Variants in KPNA5 observed in about 807,000 individuals in gnomAD.
The protein encoded by KPNA5 is importin subunit alpha-6.
KPNA5 carries 46 observed loss-of-function variants against 71.3 expected under a neutral mutation model. That is an observed-to-expected ratio of 0.65 (90% CI 0.51 to 0.83). The LOEUF (loss-of-function observed/expected upper bound fraction) is 0.83. Ranked by LOEUF, KPNA5 falls within the 40% of genes least tolerant of loss-of-function variation. The pLI is 0.00. For missense variants in KPNA5, 547 were observed against 628.3 expected (o/e 0.87, Z 1.38); for synonymous variants, 207 against 201.4 (o/e 1.03, Z -0.24).
intron 7 of KPNA5, among the ~76,000 whole-genome samples, chr6:116,711,374 GA>G (rs2114449206): frequency 6.6e-6 from 1 of 150,896 alleles, no homozygotes; most frequent in East Asian, 1.9e-4. Context: ...TGCTAGCTAT[GA>G]GTTTTGTTTA....
intron 1 of KPNA5, among the ~76,000 whole-genome samples, chr6:116,687,340 T>C (rs1777629694): frequency 6.6e-6 from 1 of 152,148 alleles, no homozygotes; most frequent in Non-Finnish European, 1.5e-5. Context: ...TTTCTGAAAT[T>C]CAGGAAAAGG....
At chr6:116,709,540 A>C (rs1370246049) in intron 7 of KPNA5, among the ~76,000 whole-genome samples, 1 of 152,170 alleles carries the variant, frequency 6.6e-6, no homozygotes, top group Non-Finnish European at 1.5e-5. Context: ...TTTTTTAAAA[A>C]AAGATAGTTT....
chr6:116,740,816 G>C lies in KPNA5; in HGVS notation c.*8493G>C, dbSNP rs1779846275. On this transcript the variant is annotated 3_prime_UTR_variant, in exon 14 of 14. Transcript: ENST00000368564. ...CAATGAGAACACATGGACACAGGAA[G>C]GGGAACATCACACTCTGGGGACTGT... 1.3e-5 allele frequency: 2 copies of C among 149,758 alleles called. No individual in the cohort carries two copies. The highest frequency in any genetic ancestry group is 4.3e-4 in the South Asian group (2 of 4,672). The allele number at this position is 149,758 out of a possible 1,614,324, so 9.3% of individuals were successfully genotyped here. A position where few individuals can be genotyped will look rare whatever the true frequency, so the allele number is the denominator to read the frequency against.
At chr6:116,731,587 G>A (rs1244873819) in intron 13 of KPNA5, among the ~76,000 whole-genome samples, 2 of 152,046 alleles carry the variant, frequency 1.3e-5, no homozygotes, top group African/African-American at 4.8e-5. Flanking sequence ...TCAAAATGAG[G>A]CCTTTCAGTT....
At chr6:116,726,897 G>C (rs1204516311) in intron 12 of KPNA5, among the ~76,000 whole-genome samples, 1 of 151,954 alleles carries the variant, frequency 6.6e-6, no homozygotes, top group African/African-American at 2.4e-5. Context: ...AGAGTACACT[G>C]TCATGGGCAT....
At chr6:116,703,263 ATT>A (rs372587084) in intron 6 of KPNA5, among the ~76,000 whole-genome samples, 16 of 142,812 alleles carry the variant, frequency 1.1e-4, no homozygotes, top group African/African-American at 1.8e-4. Context: ...CAAAAGATAA[ATT>A]TTTTTTTTTT....
At chr6:116,703,610 T>TC (rs1432829897) in intron 6 of KPNA5, among the ~76,000 whole-genome samples, 1 of 152,098 alleles carries the variant, frequency 6.6e-6, no homozygotes, top group East Asian at 1.9e-4. Context: ...AAAGTCAGAC[T>TC]CCAAGAATAT....
Position 116,731,052 on chromosome 6 carries a change from C to A in KPNA5, c.1433-1084C>A, listed in dbSNP as rs905789153. On this transcript the variant is annotated intron_variant, in intron 13 of 13. Transcript: ENST00000368564. Reference sequence around the variant, plus strand: ...TTCAAAGTTTACAAAGTCATTGCCTCCACAGAGATTTGATGAAAATTAATT... The same window carrying A: ...TTCAAAGTTTACAAAGTCATTGCCTACACAGAGATTTGATGAAAATTAATT... Among the ~76,000 whole-genome samples, 5 of 151,902 alleles carry A rather than the reference C, an allele frequency of 3.3e-5. No homozygotes were observed. In the East Asian group the frequency reaches 9.7e-4, roughly 29 times the overall value.
chr6:116,700,141 T>C (rs1181548798), intron 5 of KPNA5, among the ~76,000 whole-genome samples: 1 of 152,118 alleles, frequency 6.6e-6, no homozygotes, highest in East Asian at 1.9e-4. Flanking sequence ...GGAAAATTAA[T>C]GCTAGGTTTA....
chr6:116,710,893 ATTTTTTTTTTTTT>A (rs67301038), intron 7 of KPNA5, among the ~76,000 whole-genome samples: 2,538 of 86,736 alleles, frequency 0.029, 197 homozygotes, highest in African/African-American at 0.11. Flanking sequence ...ATATATATAT[ATTTTTTTTTTTTT>A]TTTTTTGAGT....
intron 8 of KPNA5, among the ~76,000 whole-genome samples, chr6:116,718,168 C>T (rs1164842076): frequency 1.3e-5 from 2 of 152,088 alleles, no homozygotes; most frequent in Non-Finnish European, 2.9e-5. Flanking sequence ...GCCCTCACCC[C>T]ATGAGTATAC....
chr6:116,695,759 A>G (rs974593197), intron 4 of KPNA5, among the ~76,000 whole-genome samples: 1 of 152,246 alleles, frequency 6.6e-6, no homozygotes, highest in Admixed American at 6.5e-5. Context: ...TTTGGTTTTT[A>G]TAATTGGGAT....
At chr6:116,723,039 A>G (rs1779171302) in intron 9 of KPNA5, among the ~76,000 whole-genome samples, 1 of 152,266 alleles carries the variant, frequency 6.6e-6, no homozygotes, top group Admixed American at 6.5e-5. Context: ...CAGGGCCCCA[A>G]CTTGATAATG....
intron 1 of KPNA5, among the ~76,000 whole-genome samples, chr6:116,686,803 T>A (rs1777606749): frequency 6.6e-6 from 1 of 152,226 alleles, no homozygotes; most frequent in Non-Finnish European, 1.5e-5. Context: ...CCTTTCCCAA[T>A]TGCTTCCTTT....
In KPNA5 at chr6:116,689,371, A is replaced by C. The variant is rs546622441; in HGVS notation, c.56A>C (p.Asn19Thr). Residue 19 changes from asparagine (N) to threonine (T), a missense_variant, in exon 2 of 14, where the codon AAT becomes ACT. Asn to Thr is a moderately conservative substitution (Grantham distance 65). Coordinates refer to ENST00000368564, the MANE Select transcript of KPNA5 (RefSeq NM_001366306.2). ...AACTATAGAATGAAAAGTTATAAGA[A>C]TAAAGCCCTAAATCCTCAAGAGATG... ...KDNYRMKSYK[N>T]KALNPQEMRR... 2 of 1,610,398 alleles carry C rather than the reference A, an allele frequency of 1.2e-6. No individual in the cohort carries two copies. Among genetic ancestry groups the C allele is most frequent in the African/African-American group, 2.7e-5 (2 of 74,836 alleles).
Position 116,729,567 on chromosome 6 carries a change from T to C in KPNA5, c.1258T>C (p.Leu420=). The change falls in exon 13 of 14, where the codon TTG becomes CTG. Residue 420 remains leucine (L), a synonymous_variant. Coordinates refer to ENST00000368564, the MANE Select transcript of KPNA5 (RefSeq NM_001366306.2). Reference sequence around the variant, plus strand: ...CTCTTTTATATTAATCTGAAGGTATTTGGTAGCTTTAGGCTGCATTAAACC... The same window carrying C: ...CTCTTTTATATTAATCTGAAGGTATCTGGTAGCTTTAGGCTGCATTAAACC... The part of the protein sequence containing the change: ...SGGTPEQIRY[L]VALGCIKPLC... 2 of 1,524,684 alleles carry C rather than the reference T, an allele frequency of 1.3e-6. No homozygotes were observed. Among genetic ancestry groups the C allele is most frequent in the Non-Finnish European group, 1.8e-6 (2 of 1,131,820 alleles). 94.4% of individuals were successfully genotyped at this position (1,524,684 alleles called of 1,614,324 possible).
intron 1 of KPNA5, among the ~76,000 whole-genome samples, chr6:116,683,896 C>T (rs568827414): frequency 3.7e-4 from 22 of 59,542 alleles, no homozygotes; most frequent in African/African-American, 9.8e-4. Context: ...CGTGCCCGGC[C>T]TTTTTTTTTT....
intron 1 of KPNA5, among the ~76,000 whole-genome samples, chr6:116,688,516 A>G (rs1194818962): frequency 3.3e-5 from 5 of 152,266 alleles, no homozygotes; most frequent in African/African-American, 9.6e-5. Flanking sequence ...TAATATTCCT[A>G]TAAGATAATA....
chr6:116,704,526 A>G (rs1032357270), intron 6 of KPNA5, among the ~76,000 whole-genome samples: 1 of 152,218 alleles, frequency 6.6e-6, no homozygotes, highest in Non-Finnish European at 1.5e-5. Context: ...TTGTCTCTCC[A>G]TGTAAATTCA....
Sources: allele counts gnomAD v4.1 joint callset (sites outside exome capture counted in the v4.1 genomes callset), GRCh38; gene constraint gnomAD v4.1.1; transcripts MANE v1.5; gene names NCBI Gene and HGNC (gene_info 2026-07-23, HGNC 2026-07-21).